Variants in PIK3C2G observed in about 807,000 individuals in gnomAD.
The protein encoded by PIK3C2G is phosphatidylinositol-4-phosphate 3-kinase catalytic subunit type 2 gamma.
A neutral mutation model predicts 181.1 loss-of-function variants in PIK3C2G; 168 were observed. The ratio of observed to expected loss-of-function variants is 0.93; its 90% CI spans 0.82 to 1.05. The LOEUF (loss-of-function observed/expected upper bound fraction) is 1.05. Ranked by LOEUF, PIK3C2G falls within the 50% of genes least tolerant of loss-of-function variation. The probability of loss-of-function intolerance (pLI) is 0.00; values close to 1 mark genes in which losing one functional copy is unlikely to be tolerated. For missense variants in PIK3C2G, 1,869 were observed against 1,732.8 expected (o/e 1.08, Z -1.40); for synonymous variants, 573 against 592.2 (o/e 0.97, Z 0.47).
intron 16 of PIK3C2G, among the ~76,000 whole-genome samples, chr12:18,414,487 G>T (rs946125267): frequency 6.6e-6 from 1 of 151,842 alleles, no homozygotes; most frequent in Middle Eastern, 3.4e-3. Context: ...ACAAAAAATG[G>T]CTCTTAGTAT....
chr12:18,546,800 A>G (rs1244459339), intron 26 of PIK3C2G, among the ~76,000 whole-genome samples: 3 of 152,014 alleles, frequency 2.0e-5, no homozygotes, highest in Non-Finnish European at 2.9e-5. Flanking sequence ...CTACTTTCCT[A>G]TGTAAGACAA....
chr12:18,508,027 A>G (rs1941953146), intron 24 of PIK3C2G, among the ~76,000 whole-genome samples: 2 of 152,218 alleles, frequency 1.3e-5, no homozygotes, highest in South Asian at 2.1e-4. Flanking sequence ...TCGGTTCTTA[A>G]TATTTTCTGC....
At chr12:18,504,947 T>C (rs1179904512) in intron 23 of PIK3C2G, among the ~76,000 whole-genome samples, 2 of 152,142 alleles carry the variant, frequency 1.3e-5, no homozygotes, top group Non-Finnish European at 2.9e-5. Context: ...TCCTTTTACT[T>C]TGAAAAAAAA....
chr12:18,611,174 G>T (rs545109588), intron 31 of PIK3C2G, among the ~76,000 whole-genome samples: 7 of 152,188 alleles, frequency 4.6e-5, no homozygotes, highest in African/African-American at 1.7e-4. Flanking sequence ...GCATGAAGCA[G>T]GGATAGGAGG....
At chr12:18,403,710 C>T (rs999433485) in intron 16 of PIK3C2G, among the ~76,000 whole-genome samples, 3 of 151,940 alleles carry the variant, frequency 2.0e-5, no homozygotes, top group Non-Finnish European at 2.9e-5. Flanking sequence ...TTTAATTTAC[C>T]TAGGATGGGC....
At chr12:18,303,854 TTA>T (rs1465307076) in intron 5 of PIK3C2G, among the ~76,000 whole-genome samples, 1 of 152,284 alleles carries the variant, frequency 6.6e-6, no homozygotes, top group South Asian at 2.1e-4. Flanking sequence ...TGGTCAAATT[TTA>T]TATGTTTGAT....
At chr12:18,401,616 G>A (rs1343885602) in intron 16 of PIK3C2G, among the ~76,000 whole-genome samples, 2 of 152,058 alleles carry the variant, frequency 1.3e-5, no homozygotes, top group Non-Finnish European at 2.9e-5. Context: ...ATAAATATCT[G>A]ACAAGGAAAT....
chr12:18,419,060 C>T (rs1945333607), intron 16 of PIK3C2G, among the ~76,000 whole-genome samples: 2 of 152,120 alleles, frequency 1.3e-5, no homozygotes, highest in African/African-American at 2.4e-5. Context: ...TTACGTGTAA[C>T]GACAATGAGT....
chr12:18,325,058 G>C lies in PIK3C2G; in HGVS notation c.1232G>C (p.Arg411Thr). ...VSRQCLLTLI[R>T]KYDFHLKYLL... Reference sequence around the variant, plus strand: ...AGACAATGTCTCTTAACACTCATCAGAAAATATGACTTCCACCTGAAATAC... The same window carrying C: ...AGACAATGTCTCTTAACACTCATCACAAAATATGACTTCCACCTGAAATAC... Residue 411 changes from arginine to threonine, a missense_variant, in exon 8 of 33, where the codon AGA becomes ACA. Arg to Thr is a moderately conservative substitution (Grantham distance 71, BLOSUM62 -1). Transcript: ENST00000538779. The C allele has an allele frequency of 6.3e-7, 1 of 1,579,236 alleles. No homozygotes were observed.
chr12:18,246,249 C>T (rs1043173178), upstream of PIK3C2G, among the ~76,000 whole-genome samples: 1 of 151,978 alleles, frequency 6.6e-6, no homozygotes, highest in Non-Finnish European at 1.5e-5. Context: ...GGTGGCTTCC[C>T]AATGAAGCAT....
At chr12:18,646,806 C>A (rs1950161887) in intron 32 of PIK3C2G, among the ~76,000 whole-genome samples, 1 of 152,046 alleles carries the variant, frequency 6.6e-6, no homozygotes. Flanking sequence ...TAACTAATTT[C>A]TTAGCGGTAC....
chr12:18,533,480 C>G (rs774769425), intron 24 of PIK3C2G, among the ~76,000 whole-genome samples: 2 of 152,056 alleles, frequency 1.3e-5, no homozygotes, highest in Non-Finnish European at 2.9e-5. Flanking sequence ...TGCCACAACT[C>G]TAATCTAAGC....
chr12:18,270,602 C>G (rs1236589348), intron 1 of PIK3C2G, among the ~76,000 whole-genome samples: 1 of 152,076 alleles, frequency 6.6e-6, no homozygotes, highest in Non-Finnish European at 1.5e-5. Flanking sequence ...AAAATGTAGG[C>G]TAGCTATACA....
At chr12:18,687,445 CCAGGA>C in the PIK3C2G span, among the ~76,000 whole-genome samples, 1 of 152,092 alleles carries the variant, frequency 6.6e-6, no homozygotes, top group African/African-American at 2.4e-5. Flanking sequence ...GGGATCAATC[CCAGGA>C]ACCTATCCTT....
At chr12:18,455,797 G>T (rs561153151) in intron 18 of PIK3C2G, among the ~76,000 whole-genome samples, 6 of 152,104 alleles carry the variant, frequency 3.9e-5, no homozygotes, top group East Asian at 1.9e-4. Flanking sequence ...CATCCCAAAG[G>T]CTTCACCTCT....
chr12:18,434,990 G>GT (rs568859815), intron 18 of PIK3C2G, among the ~76,000 whole-genome samples: 1,459 of 143,678 alleles, frequency 0.01, 13 homozygotes, highest in South Asian at 0.046. Flanking sequence ...TTGTAACCAG[G>GT]TTTTTTTTTT....
At chr12:18,250,390 T>C (rs1948084154) in intron 1 of PIK3C2G, among the ~76,000 whole-genome samples, 1 of 152,114 alleles carries the variant, frequency 6.6e-6, no homozygotes. Context: ...AAAACATATT[T>C]GATTGAAAAA....
intron 6 of PIK3C2G, among the ~76,000 whole-genome samples, chr12:18,315,048 T>C (rs1053322702): frequency 2.0e-5 from 3 of 152,240 alleles, no homozygotes; most frequent in Admixed American, 6.5e-5. Flanking sequence ...TGGCAGTTTT[T>C]ATCTGTAGAA....
intron 18 of PIK3C2G, among the ~76,000 whole-genome samples, chr12:18,460,054 C>T (rs757358388): frequency 2.0e-5 from 3 of 152,110 alleles, no homozygotes; most frequent in Non-Finnish European, 4.4e-5. Context: ...CGTGAGCCAT[C>T]GCACCCAGCC....
Sources: gnomAD v4.1 joint callset for allele counts (sites outside exome capture counted in the v4.1 genomes callset) on GRCh38, gnomAD v4.1.1 for gene constraint, MANE v1.5 for transcripts, NCBI Gene and HGNC (gene_info 2026-07-23, HGNC 2026-07-21) for gene names.